The following USP38 variants were observed in gnomAD, a reference collection of about 807,000 sequenced individuals.
The protein encoded by USP38 is ubiquitin carboxyl-terminal hydrolase 38.
A neutral mutation model predicts 94.3 loss-of-function variants in USP38; 49 were observed. The ratio of observed to expected loss-of-function variants is 0.52; its 90% CI spans 0.41 to 0.66. The LOEUF (loss-of-function observed/expected upper bound fraction) is 0.66. Ranked by LOEUF, USP38 falls within the 30% of genes least tolerant of loss-of-function variation. The pLI, the probability that USP38 is intolerant of heterozygous loss-of-function variation, is 0.00. For missense variants in USP38, 1,128 were observed against 1,229.4 expected (o/e 0.92, Z 1.23); for synonymous variants, 468 against 463.6 (o/e 1.01, Z -0.12).
chr4:143,195,992 T>C, intron 3 of USP38, 147 bp downstream of exon 3: 1 of 783,420 alleles, frequency 1.3e-6, no homozygotes, highest in Non-Finnish European at 1.9e-6. Context: ...CTTTAGAAAT[T>C]TTTTTAAATG....
At chr4:143,190,586 T>C (rs1231140212) in intron 2 of USP38, among the ~76,000 whole-genome samples, 1 of 152,142 alleles carries the variant, frequency 6.6e-6, no homozygotes, top group Admixed American at 6.5e-5. Context: ...ACAATAATTC[T>C]AGATATCTGG....
rs149294303 is a variant in USP38 at position 143,218,154 on chromosome 4, T to G, written c.2968-2141T>G. ...GGAGGAGGCAGTAGTTCTTCTTAAC[T>G]TCTTAATTATTTTCTTTTTCATACA... On this transcript the variant is annotated intron_variant, in intron 9 of 9. Coordinates refer to ENST00000307017, the MANE Select transcript of USP38 (RefSeq NM_032557.6). 2.2e-4 allele frequency among the ~76,000 whole-genome samples: 33 copies of G among 152,252 alleles called. No individual in the cohort carries two copies. The East Asian group carries it at 5.4e-3, about 25-fold the overall frequency.
chr4:143,196,255 A>G (rs191617138), intron 3 of USP38, among the ~76,000 whole-genome samples: 54 of 152,310 alleles, frequency 3.5e-4, no homozygotes, highest in African/African-American at 1.3e-3. Flanking sequence ...GCAGTGAGCC[A>G]AGATAGCACC....
At position 143,222,362 on chromosome 4, in the gene USP38, A is replaced by C. The variant is rs1012120582; in HGVS notation, c.*1906A>C. The C allele has an allele frequency of 6.6e-6, 1 of 152,040 alleles. No individual in the cohort carries two copies. The highest frequency in any genetic ancestry group is 2.4e-5 in the African/African-American group (1 of 41,430). 9.4% of individuals were successfully genotyped at this position (152,040 alleles called of 1,614,324 possible). The stretch of plus-strand genomic sequence containing the variant: ...CAATATTAAAATCCACAGATACTCA[A>C]GTCCCTTATTTATATAAAATAGCAC... On this transcript the variant is annotated 3_prime_UTR_variant, in exon 10 of 10. Coordinates refer to ENST00000307017, the MANE Select transcript of USP38 (RefSeq NM_032557.6).
intron 7 of USP38, 79 bp from the exon 8 acceptor site, chr4:143,212,237 AAC>A (rs1487203602): frequency 8.8e-7 from 1 of 1,130,050 alleles, no homozygotes; most frequent in African/African-American, 1.6e-5. Flanking sequence ...ACCTTTATTA[AAC>A]ACTGTATATT....
At chr4:143,192,003 A>T (rs1194323940) in intron 2 of USP38, among the ~76,000 whole-genome samples, 2 of 152,236 alleles carry the variant, frequency 1.3e-5, no homozygotes, top group Non-Finnish European at 2.9e-5. Context: ...AAATATAATT[A>T]AAGTGTGGCA....
At chr4:143,207,664 G>T (rs996861506) in intron 6 of USP38, among the ~76,000 whole-genome samples, 1 of 88,736 alleles carries the variant, frequency 1.1e-5, no homozygotes, top group Non-Finnish European at 2.1e-5. Flanking sequence ...TTTGTATTTG[G>T]AATTTTTTTT....
At chr4:143,218,558 GTA>G (rs1395485504) in intron 9 of USP38, among the ~76,000 whole-genome samples, 1 of 152,000 alleles carries the variant, frequency 6.6e-6, no homozygotes, top group African/African-American at 2.4e-5. Flanking sequence ...AGCAGAAAAA[GTA>G]TATTACTTTT....
intron 6 of USP38, among the ~76,000 whole-genome samples, chr4:143,208,950 C>A (rs72721005): frequency 6.7e-6 from 1 of 148,176 alleles, no homozygotes; most frequent in East Asian, 2.0e-4. Context: ...CATTTTTTAC[C>A]GGATGGATAC....
rs546757550 is a variant in USP38, at chr4:143,203,410, T to C, written c.1053T>C (p.Ile351=). 6.2e-7 allele frequency: 1 copy of C among 1,605,948 alleles called. No individual in the cohort carries two copies. The highest frequency in any genetic ancestry group is 8.5e-7 in the Non-Finnish European group (1 of 1,175,882). ...TGTTTATCCTTTTTTCTTTTCAGAT[T>C]GTTCCTCATGTGGTTAATTTGGTTC... The part of the protein sequence containing the change: ...FQHSPEAFHL[I]VPHVVNLVHS... The change falls in exon 5 of 10, where the codon ATT becomes ATC. Residue 351 remains isoleucine (I), a splice_region_variant and synonymous_variant. Transcript: ENST00000307017.
chr4:143,208,265 G>A (rs1471183263), intron 6 of USP38, among the ~76,000 whole-genome samples: 1 of 151,784 alleles, frequency 6.6e-6, no homozygotes, highest in Non-Finnish European at 1.5e-5. Context: ...AGTTAAATTA[G>A]TATTTAATAA....
intron 2 of USP38, among the ~76,000 whole-genome samples, chr4:143,191,801 TAA>T (rs974660595): frequency 2.6e-4 from 40 of 152,348 alleles, no homozygotes; most frequent in African/African-American, 8.9e-4. Context: ...AAATGTTATT[TAA>T]ATAGTAAGAT....
rs1012386676 is a variant in USP38, at chr4:143,186,068, G to C, written c.618G>C (p.Trp206Cys). The C allele has an allele frequency of 6.2e-7, 1 of 1,614,172 alleles. No homozygotes were observed. The highest frequency in any genetic ancestry group is 1.1e-5 in the South Asian group (1 of 91,082). The change falls in exon 1 of 10, where the codon TGG (tryptophan) becomes TGC (cysteine). Residue 206 changes from tryptophan to cysteine, a missense_variant. Coordinates refer to ENST00000307017, the MANE Select transcript of USP38 (RefSeq NM_032557.6). ...TGAGTAACTTGCTGCAGAACATCTG[G>C]AAGGCCGAGCCTGCCACACTACTGC... The part of the protein sequence containing the change: ...TKVSNLLQNI[W>C]KAEPATLLPS...
chr4:143,216,809 C>CATTT (rs200710197), intron 9 of USP38, among the ~76,000 whole-genome samples: 3,367 of 150,882 alleles, frequency 0.022, 116 homozygotes, highest in African/African-American at 0.078. Context: ...TGATTATTTA[C>CATTT]ATTTATTTAT....
chr4:143,213,464 C>A (rs981436203), intron 8 of USP38, 117 bp from the exon 9 acceptor site: 6 of 1,170,566 alleles, frequency 5.1e-6, no homozygotes, highest in African/African-American at 1.6e-5. Context: ...CAGGAAAAAC[C>A]TGATTTGTTT....
At chr4:143,202,518 A>G (rs1377140186) in intron 4 of USP38, among the ~76,000 whole-genome samples, 1 of 152,160 alleles carries the variant, frequency 6.6e-6, no homozygotes, top group Non-Finnish European at 1.5e-5. Context: ...AATATGTAGT[A>G]TCAGATTATA....
At chr4:143,216,177 A>G (rs952780845) in intron 9 of USP38, among the ~76,000 whole-genome samples, 17 of 152,122 alleles carry the variant, frequency 1.1e-4, no homozygotes, top group Non-Finnish European at 5.9e-5. Flanking sequence ...CTTTTACCCC[A>G]TTACTTTCTG....
intron 1 of USP38, among the ~76,000 whole-genome samples, chr4:143,187,358 A>G (rs535814195): frequency 6.6e-6 from 1 of 152,118 alleles, no homozygotes; most frequent in Non-Finnish European, 1.5e-5. Flanking sequence ...AAGTGCCCCC[A>G]AAAGTCACCT....
rs184072800 is a variant in USP38 at position 143,212,003 on chromosome 4, G to A, written c.1498-315G>A. Among the ~76,000 whole-genome samples, 5 of 152,188 alleles carry A rather than the reference G, an allele frequency of 3.3e-5. No homozygotes were observed. In the East Asian group the frequency reaches 7.7e-4, roughly 23 times the overall value. On this transcript the variant is annotated intron_variant, in intron 7 of 9. Transcript: ENST00000307017. ...GACTGTCATAGAGGGATGATACCAG[G>A]AGCTTTATATCAAGAGTTAGACATG...
Sources: gnomAD v4.1 joint callset for allele counts (sites outside exome capture counted in the v4.1 genomes callset) on GRCh38, gnomAD v4.1.1 for gene constraint, MANE v1.5 for transcripts, NCBI Gene and HGNC (gene_info 2026-07-23, HGNC 2026-07-21) for gene names.